The following MICAL2 variants were observed in gnomAD, a reference collection of about 807,000 sequenced individuals.
MICAL2 encodes microtubule associated monooxygenase, calponin and LIM domain containing 2.
A neutral mutation model predicts 127.3 loss-of-function variants in MICAL2; 77 were observed. That is an observed-to-expected ratio of 0.60 (90% confidence interval 0.50 to 0.73). The LOEUF (loss-of-function observed/expected upper bound fraction) is 0.73. Ranked by LOEUF, MICAL2 falls within the 30% of genes least tolerant of loss-of-function variation. The probability of loss-of-function intolerance (pLI) is 0.00; values close to 1 mark genes in which losing one functional copy is unlikely to be tolerated. For missense variants in MICAL2, 1,351 were observed against 1,434.4 expected, an observed-to-expected ratio of 0.94 and a Z score of 0.94; for synonymous variants, 570 against 551.1, an observed-to-expected ratio of 1.03 and a Z score of -0.48.
chr11:12,273,136 G>A (rs1046339072), upstream of MICAL2, among the ~76,000 whole-genome samples: 8 of 152,228 alleles, frequency 5.3e-5, no homozygotes, highest in Non-Finnish European at 1.2e-4. Context: ...CAGACACGCA[G>A]ACTGATCCCC....
chr11:12,260,108 C>A, intron 26 of MICAL2: 1 of 1,536,158 alleles, frequency 6.5e-7, no homozygotes, highest in Non-Finnish European at 8.7e-7. Context: ...TACAGGGAAT[C>A]TGAGGGCTCC....
chr11:12,132,627 T>C (rs1273782660), intron 1 of MICAL2, among the ~76,000 whole-genome samples: 3 of 152,234 alleles, frequency 2.0e-5, no homozygotes, highest in Non-Finnish European at 2.9e-5. Flanking sequence ...TGTGGCATTA[T>C]GAAGCCTGTG....
intron 7 of MICAL2, among the ~76,000 whole-genome samples, chr11:12,213,907 C>T (rs893257009): frequency 5.9e-5 from 9 of 152,144 alleles, no homozygotes; most frequent in South Asian, 2.1e-4. Context: ...CATCTGGATA[C>T]GCCCAGGAAC....
chr11:12,220,820 C>A (rs1856732787), intron 9 of MICAL2, among the ~76,000 whole-genome samples: 1 of 152,202 alleles, frequency 6.6e-6, no homozygotes, highest in Non-Finnish European at 1.5e-5. Flanking sequence ...CCCTTTGTGG[C>A]CTTTGAGATC....
chr11:12,314,911 A>T (rs1031475843), intron 29 of MICAL2, among the ~76,000 whole-genome samples: 3 of 152,122 alleles, frequency 2.0e-5, no homozygotes, highest in Non-Finnish European at 4.4e-5. Context: ...CTGAATGTGC[A>T]TGGATTCATG....
chr11:12,211,085 A>G lies in MICAL2; in HGVS notation c.691+1487A>G, dbSNP rs574853538. ...CTTAAAAGAGGACTATTGAATGGAAACCCAAGGTTGTTGGCCAGGCGTGGT... is the reference window on the plus strand; with the variant it reads ...CTTAAAAGAGGACTATTGAATGGAAGCCCAAGGTTGTTGGCCAGGCGTGGT... On this transcript the variant is annotated intron_variant, in intron 6 of 27. Transcript: ENST00000683283. 2.0e-5 allele frequency among the ~76,000 whole-genome samples: 3 copies of G among 152,290 alleles called. No homozygotes were observed. The East Asian group carries it at 5.8e-4, about 29-fold the overall frequency.
At chr11:12,191,625 G>A (rs1859135400) in intron 3 of MICAL2, among the ~76,000 whole-genome samples, 1 of 152,032 alleles carries the variant, frequency 6.6e-6, no homozygotes, top group African/African-American at 2.4e-5. Flanking sequence ...AAATTAGCTG[G>A]GCATGGTGGT....
In MICAL2 at chr11:12,176,714, G is replaced by C. The variant is rs548732612; in HGVS notation, c.264+14295G>C. Among the ~76,000 whole-genome samples, 9 of 152,286 alleles carry C rather than the reference G, an allele frequency of 5.9e-5. No individual in the cohort carries two copies. The East Asian group carries it at 1.2e-3, about 20-fold the overall frequency. ...TTGATTACCGAAGTATCTCATATGAGTGGAATAATATAGTATTTGTCCTTT... is the reference window on the plus strand; with the variant it reads ...TTGATTACCGAAGTATCTCATATGACTGGAATAATATAGTATTTGTCCTTT... On this transcript the variant is annotated intron_variant, in intron 3 of 27. Coordinates refer to ENST00000683283, the MANE Select transcript of MICAL2 (RefSeq NM_001282663.2).
downstream of MICAL2, among the ~76,000 whole-genome samples, chr11:12,360,573 A>C (rs1009995711): frequency 3.9e-5 from 6 of 152,244 alleles, no homozygotes; most frequent in African/African-American, 1.4e-4. Context: ...TGATGCCTGC[A>C]TACACTTAAC....
Position 12,339,930 on chromosome 11 carries a change from T to A in MICAL2, c.5516-9908T>A, listed in dbSNP as rs1938832322. Among the ~76,000 whole-genome samples, 3 of 152,274 alleles carry A rather than the reference T, an allele frequency of 2.0e-5. No individual in the cohort carries two copies. In the South Asian group the frequency reaches 6.2e-4, roughly 32 times the overall value. ...GAGGAGGCAGTCTGCCCGTTCTCAG[T>A]TCTCAAGCTGTGTGCTGGGAGAACC... On this transcript the variant is annotated intron_variant, in intron 32 of 34. Transcript: ENST00000646065.
At chr11:12,216,155 A>T in intron 7 of MICAL2, 64 bp from the exon 8 acceptor site, 1 of 1,229,428 alleles carries the variant, frequency 8.1e-7, no homozygotes, top group South Asian at 1.2e-5. Flanking sequence ...GGCAAAGTAC[A>T]GTTCCTGGCA....
downstream of MICAL2, among the ~76,000 whole-genome samples, chr11:12,295,766 T>G (rs983942004): frequency 6.6e-6 from 1 of 152,162 alleles, no homozygotes; most frequent in African/African-American, 2.4e-5. Context: ...GTAGTATACA[T>G]AAATGTGATT....
chr11:12,259,813 G>A lies in MICAL2; in HGVS notation c.3250G>A (p.Glu1084Lys). Reference sequence around the variant, plus strand: ...TTCTCAGGAGGAGGCAACATGGCAAGAGCAGGAAGCCCCTCGGAGAGACAC... The same window carrying A: ...TTCTCAGGAGGAGGCAACATGGCAAAAGCAGGAAGCCCCTCGGAGAGACAC... ...QQREEEATWQ[E>K]QEAPRRDTPT... is the part of the protein sequence containing the mutation. The change falls in exon 26 of 28, where the codon GAG becomes AAG. Residue 1084 changes from glutamate to lysine, a missense_variant. By Grantham distance (56) the Glu-to-Lys change is moderately conservative. Around this residue, in one of 2 missense-constraint regions of MICAL2, gnomAD observed 752 missense variants for 719.4 expected, o/e 1.05. Transcript: ENST00000683283. The A allele has an allele frequency of 6.4e-7, 1 of 1,557,324 alleles. No homozygotes were observed. The highest frequency in any genetic ancestry group is 8.7e-7 in the Non-Finnish European group (1 of 1,148,976).
At chr11:12,226,644 G>GT (rs1458789116) in intron 14 of MICAL2, among the ~76,000 whole-genome samples, 1 of 132,604 alleles carries the variant, frequency 7.5e-6, no homozygotes, top group African/African-American at 2.9e-5. Context: ...TTTGTTGTTT[G>GT]TTTTTGGTTT....
intron 3 of MICAL2, among the ~76,000 whole-genome samples, chr11:12,187,940 T>C (rs1392415731): frequency 6.6e-6 from 1 of 152,152 alleles, no homozygotes; most frequent in Non-Finnish European, 1.5e-5. Flanking sequence ...AAGCTTGAAC[T>C]GCTAGGACCC....
chr11:12,318,016 G>A (rs1460365384), intron 29 of MICAL2, among the ~76,000 whole-genome samples: 2 of 152,144 alleles, frequency 1.3e-5, no homozygotes, highest in East Asian at 3.8e-4. Flanking sequence ...CATAAACAAA[G>A]GCTAAATAGG....
chr11:12,358,470 C>G, exon 35 of MICAL2: 1 of 1,614,086 alleles, frequency 6.2e-7, no homozygotes. Flanking sequence ...GTCAGCTGAG[C>G]AGGACTTGAG....
At chr11:12,231,168 G>A (rs927576507) in intron 15 of MICAL2, among the ~76,000 whole-genome samples, 20 of 152,210 alleles carry the variant, frequency 1.3e-4, no homozygotes, top group African/African-American at 4.8e-4. Flanking sequence ...GCCACACATG[G>A]TGACACCTGT....
At chr11:12,239,227 G>A (rs117404822) in intron 16 of MICAL2, among the ~76,000 whole-genome samples, 5,860 of 152,272 alleles carry the variant, frequency 0.038, 196 homozygotes, top group Non-Finnish European at 0.055. Flanking sequence ...TGGCTCCCAA[G>A]CCTAGCTGTG....
Sources: gnomAD v4.1 joint callset for allele counts (sites outside exome capture counted in the v4.1 genomes callset) on GRCh38, gnomAD v4.1.1 for gene constraint, gnomAD v4.1.1 regional missense constraint, MANE v1.5 for transcripts, NCBI Gene and HGNC (gene_info 2026-07-23, HGNC 2026-07-21) for gene names.